HMCN1: variants seen among roughly 807,000 people sequenced by gnomAD.
HMCN1 encodes hemicentin 1.
Under a neutral mutation model 625.9 loss-of-function variants are expected in HMCN1, and 321 were observed. The observed-to-expected ratio is 0.51, with a 90% CI of 0.47 to 0.56. The LOEUF is 0.56. HMCN1 is among the 20% of genes least tolerant of loss of function. The pLI is 0.00. For synonymous variants in HMCN1, 2,425 were observed against 2,417.6 expected, an observed-to-expected ratio of 1.00 and a Z score of -0.09; for missense variants, 6,588 against 6,887.3, an observed-to-expected ratio of 0.96 and a Z score of 1.54.
rs562977574 is a variant in HMCN1, at chr1:185,970,309, A to G, written c.2213-26A>G. 20 of 1,602,802 alleles carry G rather than the reference A, an allele frequency of 1.2e-5. No individual in the cohort carries two copies. The African/African-American group carries it at 1.3e-4, about 11-fold the overall frequency. ...AACAATTTTAATACTTTAGTGTTTA[A>G]TGTTCTCCCCTTTGTTTTGACTTAG... On this transcript the variant is annotated intron_variant, in intron 14 of 106. Transcript: ENST00000271588.
intron 1 of HMCN1, among the ~76,000 whole-genome samples, chr1:185,754,110 T>C (rs1028906349): frequency 1.3e-5 from 2 of 152,162 alleles, no homozygotes; most frequent in African/African-American, 4.8e-5. Context: ...AATTTTGACA[T>C]TCATGACAAC....
intron 4 of HMCN1, among the ~76,000 whole-genome samples, chr1:185,901,280 T>G (rs948770045): frequency 8.6e-5 from 13 of 151,746 alleles, no homozygotes; most frequent in Non-Finnish European, 1.9e-4. Flanking sequence ...AAAAATGTAT[T>G]TGTTTCCTTC....
At chr1:185,823,142 A>C (rs1017483167) in intron 1 of HMCN1, among the ~76,000 whole-genome samples, 2 of 152,024 alleles carry the variant, frequency 1.3e-5, no homozygotes, top group African/African-American at 4.8e-5. Flanking sequence ...GTAAAATGTC[A>C]CATATGGACC....
chr1:185,851,713 T>C (rs1197544256), intron 2 of HMCN1, among the ~76,000 whole-genome samples: 1 of 152,000 alleles, frequency 6.6e-6, no homozygotes, highest in East Asian at 1.9e-4. Context: ...TTTTAGAAAA[T>C]GGTATTGGCA....
intron 104 of HMCN1, among the ~76,000 whole-genome samples, chr1:186,179,456 T>C (rs74343921): frequency 2.4e-3 from 371 of 152,128 alleles, no homozygotes; most frequent in African/African-American, 8.6e-3. Context: ...GTTGCAAACA[T>C]TACCATCTGT....
At chr1:185,751,423 T>A (rs1654808992) in intron 1 of HMCN1, among the ~76,000 whole-genome samples, 1 of 152,190 alleles carries the variant, frequency 6.6e-6, no homozygotes, top group Non-Finnish European at 1.5e-5. Flanking sequence ...TTCTCTGTGG[T>A]TATTTTAAAA....
chr1:185,790,554 C>T (rs925671349), intron 1 of HMCN1, among the ~76,000 whole-genome samples: 1 of 152,178 alleles, frequency 6.6e-6, no homozygotes, highest in South Asian at 2.1e-4. Flanking sequence ...GATCATGAGG[C>T]ACCAAAGGAA....
chr1:186,001,578 A>G lies in HMCN1; in HGVS notation c.4201-16A>G, dbSNP rs755091860. On this transcript the variant is annotated splice_polypyrimidine_tract_variant and intron_variant, in intron 27 of 106. Coordinates refer to ENST00000271588, the MANE Select transcript of HMCN1 (RefSeq NM_031935.3). ...ATTAGGATTGGAAATAACACTGACC[A>G]TTTTGGCCCTTAAAGGTGACTGAAA... The G allele has an allele frequency of 6.2e-7, 1 of 1,612,894 alleles. No individual in the cohort carries two copies. The highest frequency in any genetic ancestry group is 1.7e-5 in the Admixed American group (1 of 59,924).
intron 1 of HMCN1, among the ~76,000 whole-genome samples, chr1:185,796,250 C>A (rs1658366061): frequency 6.6e-6 from 1 of 152,108 alleles, no homozygotes; most frequent in African/African-American, 2.4e-5. Flanking sequence ...AGGGTTTGTG[C>A]TCCTAGGAGA....
chr1:186,127,745 T>C (rs1661716794), intron 82 of HMCN1, among the ~76,000 whole-genome samples: 1 of 152,162 alleles, frequency 6.6e-6, no homozygotes, highest in Admixed American at 6.6e-5. Flanking sequence ...GCTGTCAAGA[T>C]GCTGTCAGCT....
At chr1:185,863,069 T>C (rs915648393) in intron 2 of HMCN1, among the ~76,000 whole-genome samples, 1 of 152,212 alleles carries the variant, frequency 6.6e-6, no homozygotes. Context: ...TGTATCAGAA[T>C]ATGAGACTGT....
chr1:185,832,960 A>G (rs1406358911), intron 1 of HMCN1, among the ~76,000 whole-genome samples: 8 of 152,216 alleles, frequency 5.3e-5, no homozygotes, highest in African/African-American at 1.9e-4. Flanking sequence ...TTCATTTTAT[A>G]CAAGAGAAAT....
chr1:186,148,677 A>AT (rs1223959355), intron 93 of HMCN1, among the ~76,000 whole-genome samples: 14 of 150,438 alleles, frequency 9.3e-5, no homozygotes, highest in Admixed American at 2.0e-4. Flanking sequence ...AATTTTTTGT[A>AT]TTTTTTTTTA....
intron 1 of HMCN1, among the ~76,000 whole-genome samples, chr1:185,751,343 G>A (rs1323859297): frequency 2.0e-5 from 3 of 151,748 alleles, no homozygotes; most frequent in African/African-American, 7.3e-5. Context: ...ATTGTTTTCT[G>A]ACTTCTTTTG....
At chr1:186,019,178 G>A (rs1436589884) in intron 34 of HMCN1, among the ~76,000 whole-genome samples, 3 of 151,980 alleles carry the variant, frequency 2.0e-5, no homozygotes, top group South Asian at 4.1e-4. Flanking sequence ...GAGTCATGCA[G>A]TATAAATATG....
chr1:186,117,701 AC>A, intron 77 of HMCN1, 78 bp downstream of exon 77: 1 of 1,375,708 alleles, frequency 7.3e-7, no homozygotes, highest in Non-Finnish European at 1.0e-6. Context: ...CCTTTGTTGC[AC>A]CAGAATAAAA....
intron 29 of HMCN1, among the ~76,000 whole-genome samples, chr1:186,005,811 C>T (rs1027658941): frequency 5.3e-5 from 8 of 152,124 alleles, no homozygotes; most frequent in Admixed American, 2.6e-4. Flanking sequence ...TACTTAAATT[C>T]GAGCAGCATA....
chr1:186,156,655 T>A (rs1651041066), intron 97 of HMCN1, among the ~76,000 whole-genome samples: 1 of 152,134 alleles, frequency 6.6e-6, no homozygotes, highest in African/African-American at 2.4e-5. Flanking sequence ...GCCTGTCCTA[T>A]GAAAATCACA....
chr1:186,100,005 A>C (rs1264803094), intron 68 of HMCN1, among the ~76,000 whole-genome samples: 2 of 151,990 alleles, frequency 1.3e-5, no homozygotes, highest in African/African-American at 4.8e-5. Flanking sequence ...TGAATTGAAG[A>C]GGCTGCTGTA....
Sources: gnomAD v4.1 joint callset for allele counts (sites outside exome capture counted in the v4.1 genomes callset) on GRCh38, gnomAD v4.1.1 for gene constraint, MANE v1.5 for transcripts, NCBI Gene and HGNC (gene_info 2026-07-23, HGNC 2026-07-21) for gene names.